FXR2: variants seen among roughly 807,000 people sequenced by gnomAD.
FXR2 encodes the protein FMR1 autosomal homolog 2.
In FXR2, 9 loss-of-function variants were observed where a neutral mutation model predicts 87.3. That is an observed-to-expected ratio of 0.10 (90% CI 0.06 to 0.18). FXR2 has a LOEUF of 0.18. Ranked by LOEUF, FXR2 falls within the 10% of genes least tolerant of loss-of-function variation. The pLI is 1.00. For missense variants in FXR2, 661 were observed against 893.6 expected (o/e 0.74, Z 3.32); for synonymous variants, 331 against 328.3 (o/e 1.01, Z -0.09).
intron 1 of FXR2, among the ~76,000 whole-genome samples, chr17:7,611,157 A>G (rs1323900000): frequency 2.6e-5 from 4 of 152,150 alleles, no homozygotes; most frequent in African/African-American, 7.2e-5. Flanking sequence ...AATAAAATAC[A>G]TTAGGCCATT....
chr17:7,593,419 T>C lies in FXR2; in HGVS notation c.1314A>G (p.Thr438=). 1 of 1,575,448 alleles carries C rather than the reference T, an allele frequency of 6.3e-7. No homozygotes were observed. Among genetic ancestry groups the C allele is most frequent in the Non-Finnish European group, 8.6e-7 (1 of 1,160,802 alleles). Residue 438 remains threonine, a synonymous_variant, in exon 12 of 17, where the codon ACA becomes ACG. Coordinates refer to ENST00000250113, the MANE Select transcript of FXR2 (RefSeq NM_004860.4). The surrounding 1 kb of genome is among the most constrained non-coding windows in gnomAD (Gnocchi z 6.1). ...CTGTCTCACCATAGGCAGGACCGCCTGTCCTCCGGCCACGGCCACGGCCCC... is the reference window on the plus strand; with the variant it reads ...CTGTCTCACCATAGGCAGGACCGCCCGTCCTCCGGCCACGGCCACGGCCCC... ...SYGGRGRGRR[T]GGPAYGPSSD... is the part of the protein sequence containing the mutation.
Position 7,595,913 on chromosome 17 carries a change from C to T in FXR2, c.742G>A (p.Gly248Ser). The T allele has an allele frequency of 6.2e-7, 1 of 1,613,336 alleles. No individual in the cohort carries two copies. Among genetic ancestry groups the T allele is most frequent in the Non-Finnish European group, 8.5e-7 (1 of 1,179,368 alleles). The change falls in exon 8 of 17, where the codon GGT (glycine) becomes AGT (serine). Residue 248 changes from glycine to serine, a missense_variant. Physicochemically the swap from Gly to Ser is moderately conservative, Grantham distance 56. Transcript: ENST00000250113. This position sits in a 1 kb window ranked among gnomAD's most constrained non-coding sequence, Gnocchi z 4.7. Reference protein sequence around the residue: ...DLMGLAIGTHGANIQQARKVP... With the variant: ...DLMGLAIGTHSANIQQARKVP... ...TTTCGGGCCTGCTGGATGTTGGCAC[C>T]GTGAGTCCCAATTGCCAGTCCCATC...
At chr17:7,609,901 T>TA (rs1376580576) in intron 1 of FXR2, among the ~76,000 whole-genome samples, 1 of 145,000 alleles carries the variant, frequency 6.9e-6, no homozygotes, top group East Asian at 2.0e-4. Flanking sequence ...TATATACACA[T>TA]ACATATATAT....
Position 7,597,524 on chromosome 17 carries a change from A to G in FXR2, c.661-1530T>C, listed in dbSNP as rs551958867. Among the ~76,000 whole-genome samples, 39 of 150,190 alleles carry G rather than the reference A, an allele frequency of 2.6e-4. No individual in the cohort carries two copies. The South Asian group carries it at 7.6e-3, about 29-fold the overall frequency. ...TTTTTTGAGATGGGGTCTGTCACCCAGGCTAGAGTGCAGTGGCATGATCTC... is the reference window on the plus strand; with the variant it reads ...TTTTTTGAGATGGGGTCTGTCACCCGGGCTAGAGTGCAGTGGCATGATCTC... On this transcript the variant is annotated intron_variant, in intron 7 of 16. Coordinates refer to ENST00000250113, the MANE Select transcript of FXR2 (RefSeq NM_004860.4).
In FXR2 at chr17:7,594,627, G is replaced by A. The variant is rs374715082; in HGVS notation, c.910+52C>T. On this transcript the variant is annotated intron_variant, in intron 9 of 16. Coordinates refer to ENST00000250113, the MANE Select transcript of FXR2 (RefSeq NM_004860.4). The surrounding 1 kb of genome is among the most constrained non-coding windows in gnomAD (Gnocchi z 5.1). ...TCCTGGATAAAAGCTCAGAATCACTGTAGAGAATCTTGATTCTGACCTCTA... is the reference window on the plus strand; with the variant it reads ...TCCTGGATAAAAGCTCAGAATCACTATAGAGAATCTTGATTCTGACCTCTA... 2.4e-4 allele frequency: 267 copies of A among 1,124,926 alleles called. No individual in the cohort carries two copies. The highest frequency in any genetic ancestry group is 3.1e-4 in the Non-Finnish European group (230 of 733,544). 69.7% of individuals were successfully genotyped at this position (1,124,926 alleles called of 1,614,324 possible). A position where few individuals can be genotyped will look rare whatever the true frequency, so the allele number is the denominator to read the frequency against.
chr17:7,612,767 C>G (rs1312251076), intron 1 of FXR2, among the ~76,000 whole-genome samples: 3 of 151,950 alleles, frequency 2.0e-5, no homozygotes, highest in Admixed American at 6.6e-5. Flanking sequence ...GAGGCCGAAG[C>G]AGGTGGATCA....
chr17:7,607,310 C>T (rs2071810794), intron 1 of FXR2, among the ~76,000 whole-genome samples: 1 of 147,956 alleles, frequency 6.8e-6, no homozygotes, highest in Non-Finnish European at 1.5e-5. Flanking sequence ...AAGAGCAAAA[C>T]TCCATCTCAA....
Position 7,594,650 on chromosome 17 carries a change from C to CTTATT in FXR2, c.910+28_910+29insAATAA, listed in dbSNP as rs768253300. 1.0e-4 allele frequency: 144 copies of CTTATT among 1,380,152 alleles called. No individual in the cohort carries two copies. The highest frequency in any genetic ancestry group is 1.4e-4 in the Non-Finnish European group (137 of 966,460). 85.5% of individuals were successfully genotyped at this position (1,380,152 alleles called of 1,614,324 possible). On this transcript the variant is annotated intron_variant, in intron 9 of 16. Coordinates refer to ENST00000250113, the MANE Select transcript of FXR2 (RefSeq NM_004860.4). The surrounding 1 kb of genome is among the most constrained non-coding windows in gnomAD (Gnocchi z 5.1). ...CTGTAGAGAATCTTGATTCTGACCT[C>CTTATT]TAACTGTATATACACACCACCAACT...
At chr17:7,598,276 C>T in intron 7 of FXR2, among the ~76,000 whole-genome samples, 1 of 151,894 alleles carries the variant, frequency 6.6e-6, no homozygotes, top group East Asian at 1.9e-4. Context: ...CGGTGAAACC[C>T]CATCTCTACT....
chr17:7,601,660 G>A (rs1004376073), intron 6 of FXR2, 135 bp from the exon 7 acceptor site: 20 of 599,198 alleles, frequency 3.3e-5, no homozygotes, highest in Middle Eastern at 4.7e-4. Context: ...CGGGCGCGGT[G>A]GCTCATGCCT....
At position 7,614,541 on chromosome 17, in the gene FXR2, C is replaced by A. The variant is rs774435702; in HGVS notation, c.-9G>T. On this transcript the variant is annotated 5_prime_UTR_variant, in exon 1 of 17. Coordinates refer to ENST00000250113, the MANE Select transcript of FXR2 (RefSeq NM_004860.4). ...GAGGCCAGGCCGCCCATGGCGCCGC[C>A]ACCGCCTCCGACTCCCCCGGCGGCG... The A allele has an allele frequency of 6.8e-7, 1 of 1,468,342 alleles. No individual in the cohort carries two copies. Among genetic ancestry groups the A allele is most frequent in the South Asian group, 1.3e-5 (1 of 75,816 alleles). The allele number at this position is 1,468,342 out of a possible 1,614,324, so 91.0% of individuals were successfully genotyped here. A position where few individuals can be genotyped will look rare whatever the true frequency, so the allele number is the denominator to read the frequency against.
At position 7,592,249 on chromosome 17, in the gene FXR2, C is replaced by G; in HGVS notation, c.1926+5G>C. The G allele has an allele frequency of 6.2e-7, 1 of 1,603,630 alleles. No individual in the cohort carries two copies. The highest frequency in any genetic ancestry group is 8.5e-7 in the Non-Finnish European group (1 of 1,170,574). ...GATGGGGTAAAGCACATCTTGCCTG[C>G]CTACCTTCTGTCCTGAAAGAGAGTC... On this transcript the variant is annotated splice_donor_5th_base_variant and intron_variant, in intron 16 of 16. Transcript: ENST00000250113. The surrounding 1 kb of genome is among the most constrained non-coding windows in gnomAD (Gnocchi z 4.8).
chr17:7,600,879 G>A (rs576660040), intron 7 of FXR2, among the ~76,000 whole-genome samples: 7 of 151,064 alleles, frequency 4.6e-5, no homozygotes, highest in South Asian at 2.1e-4. Flanking sequence ...GTGAGACTCC[G>A]TCTCAAAAAA....
At chr17:7,606,404 A>G (rs1453294064) in intron 1 of FXR2, among the ~76,000 whole-genome samples, 1 of 152,206 alleles carries the variant, frequency 6.6e-6, no homozygotes, top group Admixed American at 6.5e-5. Context: ...TGATCTACTC[A>G]GGCTCCCACA....
Position 7,593,792 on chromosome 17 carries a change from A to C in FXR2, c.1107+126T>G, listed in dbSNP as rs1009536188. On this transcript the variant is annotated intron_variant, in intron 11 of 16. Transcript: ENST00000250113. The surrounding 1 kb of genome is among the most constrained non-coding windows in gnomAD (Gnocchi z 6.1). The stretch of plus-strand genomic sequence containing the variant: ...TCTGGGACCCAACCCTATAGCCCCA[A>C]ATTTCCACAGATGTTTTCTGTTCTA... 7.4e-6 allele frequency: 6 copies of C among 815,714 alleles called. No homozygotes were observed. The African/African-American group carries it at 8.6e-5, about 12-fold the overall frequency. 50.5% of individuals were successfully genotyped at this position (815,714 alleles called of 1,614,324 possible).
In FXR2 at chr17:7,592,101, C is replaced by T; in HGVS notation, c.1926+153G>A. ...ATCCAGAAAATGTGAACCACACTTT[C>T]TTCTCTATCCTATTCAAAGTTTACA... On this transcript the variant is annotated intron_variant, in intron 16 of 16. Coordinates refer to ENST00000250113, the MANE Select transcript of FXR2 (RefSeq NM_004860.4). The surrounding 1 kb of genome is among the most constrained non-coding windows in gnomAD (Gnocchi z 4.8). 2.0e-6 allele frequency: 3 copies of T among 1,467,094 alleles called. No homozygotes were observed. Among genetic ancestry groups the T allele is most frequent in the Non-Finnish European group, 1.8e-6 (2 of 1,109,200 alleles). 90.9% of individuals were successfully genotyped at this position (1,467,094 alleles called of 1,614,324 possible). A position where few individuals can be genotyped will look rare whatever the true frequency, so the allele number is the denominator to read the frequency against.
At position 7,609,930 on chromosome 17, in the gene FXR2, G is replaced by GTATACA. The variant is rs1390864046; in HGVS notation, c.82-3782_82-3781insTGTATA. ...TATATATGTATATATACATGTATAT[G>GTATACA]TATATATATACATGTATATGTATAC... On this transcript the variant is annotated intron_variant, in intron 1 of 16. Transcript: ENST00000250113. Among the ~76,000 whole-genome samples the GTATACA allele has an allele frequency of 1.0e-4, 8 of 78,966 alleles. No individual in the cohort carries two copies. The East Asian group carries it at 2.3e-3, about 23-fold the overall frequency. 51.8% of individuals were successfully genotyped at this position (78,966 alleles called of 152,430 possible). A position where few individuals can be genotyped will look rare whatever the true frequency, so the allele number is the denominator to read the frequency against.
At chr17:7,614,166 C>T (rs1411145312) in intron 1 of FXR2, 4 of 643,096 alleles carry the variant, frequency 6.2e-6, no homozygotes, top group Non-Finnish European at 2.9e-6. Flanking sequence ...GTAAAGGGGT[C>T]TCTCCTGCGG....
intron 5 of FXR2, among the ~76,000 whole-genome samples, chr17:7,603,384 G>A (rs1043564788): frequency 1.3e-4 from 20 of 151,648 alleles, no homozygotes; most frequent in Non-Finnish European, 2.4e-4. Context: ...AAAATTAGCC[G>A]GGTGTGGTGG....
Sources: allele counts gnomAD v4.1 joint callset (sites outside exome capture counted in the v4.1 genomes callset), GRCh38; gene constraint gnomAD v4.1.1; non-coding constraint Gnocchi (gnomAD v3.1); transcripts MANE v1.5; gene names NCBI Gene and HGNC (gene_info 2026-07-23, HGNC 2026-07-21).